Variants in SENP6 observed in about 807,000 individuals in gnomAD.
SENP6 encodes the protein SUMO specific peptidase 6, also known as sentrin-specific protease 6.
A neutral mutation model predicts 134.5 loss-of-function variants in SENP6; 41 were observed. The ratio of observed to expected loss-of-function variants is 0.30; its 90% CI spans 0.24 to 0.40. The LOEUF is 0.40. Among genes scored for constraint, SENP6 ranks in the 10% least tolerant of loss-of-function variants. SENP6 has a pLI of 1.00. For synonymous variants in SENP6, 395 were observed against 429.8 expected (o/e 0.92, Z 1.00); for missense variants, 1,248 against 1,312.5 (o/e 0.95, Z 0.76).
intron 3 of SENP6, among the ~76,000 whole-genome samples, chr6:75,628,483 G>A (rs569698499): frequency 5.9e-5 from 9 of 152,028 alleles, no homozygotes; most frequent in African/African-American, 1.4e-4. Flanking sequence ...TTTTAAAATG[G>A]GTGAGGCTGA....
At position 75,602,269 on chromosome 6, in the gene SENP6, G is replaced by T; in HGVS notation, c.-256G>T. Reference sequence around the variant, plus strand: ...GGAAGCGCCGTCGTCGTCGTCGCCGGTCGCGTTCCCCCGGAGAGGCCTGAG... The same window carrying T: ...GGAAGCGCCGTCGTCGTCGTCGCCGTTCGCGTTCCCCCGGAGAGGCCTGAG... On this transcript the variant is annotated 5_prime_UTR_variant, in exon 1 of 24. Coordinates refer to ENST00000447266, the MANE Select transcript of SENP6 (RefSeq NM_015571.4). The T allele has an allele frequency of 2.6e-6, 1 of 380,660 alleles. No individual in the cohort carries two copies. The highest frequency in any genetic ancestry group is 4.7e-6 in the Non-Finnish European group (1 of 214,496). 23.6% of individuals were successfully genotyped at this position (380,660 alleles called of 1,614,324 possible).
intron 7 of SENP6, among the ~76,000 whole-genome samples, chr6:75,656,124 A>C (rs563980987): frequency 1.1e-3 from 168 of 150,944 alleles, no homozygotes; most frequent in African/African-American, 3.9e-3. Context: ...CAGAGGCAGG[A>C]GAATTGCTTG....
chr6:75,636,414 C>G (rs762988229), intron 5 of SENP6, among the ~76,000 whole-genome samples: 14 of 152,082 alleles, frequency 9.2e-5, no homozygotes, highest in Non-Finnish European at 1.8e-4. Context: ...TGTTCAAAGA[C>G]AAGTCATTGA....
At position 75,688,397 on chromosome 6, in the gene SENP6, G is replaced by A. The variant is rs182129940; in HGVS notation, c.2076-7407G>A. Reference sequence around the variant, plus strand: ...TGCTTCAGCTCACCCTCCATGGGCTGCATCCCCTGTCCAACCAGTCCCAAT... The same window carrying A: ...TGCTTCAGCTCACCCTCCATGGGCTACATCCCCTGTCCAACCAGTCCCAAT... On this transcript the variant is annotated intron_variant, in intron 16 of 23. Transcript: ENST00000447266. Among the ~76,000 whole-genome samples, 535 of 152,248 alleles carry A rather than the reference G, an allele frequency of 3.5e-3. 4 individuals are homozygous for A. The highest frequency in any genetic ancestry group is 0.012 in the African/African-American group (511 of 41,554).
chr6:75,608,877 T>A lies in SENP6; in HGVS notation c.52+6301T>A, dbSNP rs571342688. Among the ~76,000 whole-genome samples the A allele has an allele frequency of 2.6e-5, 4 of 152,340 alleles. No homozygotes were observed. The South Asian group carries it at 8.3e-4, about 32-fold the overall frequency. ...AGCAGATAGAGAAAAGAAAAAGAGC[T>A]TCCTTTACTTGCTTGTCTTCTCTTC... On this transcript the variant is annotated intron_variant, in intron 1 of 23. Transcript: ENST00000447266.
chr6:75,702,602 C>T (rs999646816), intron 18 of SENP6, 43 bp from the exon 19 acceptor site: 14 of 1,476,928 alleles, frequency 9.5e-6, no homozygotes, highest in Non-Finnish European at 1.3e-5. Context: ...ATATAATAAA[C>T]TTTTCTAATA....
At chr6:75,633,883 G>C (rs1769302167) in intron 4 of SENP6, among the ~76,000 whole-genome samples, 157 bp downstream of exon 4, 1 of 152,162 alleles carries the variant, frequency 6.6e-6, no homozygotes, top group Non-Finnish European at 1.5e-5. Context: ...TCTTTGCTTT[G>C]AATCTTAGGA....
chr6:75,671,565 T>C lies in SENP6; in HGVS notation c.1392+845T>C, dbSNP rs563724314. On this transcript the variant is annotated intron_variant, in intron 11 of 23. Coordinates refer to ENST00000447266, the MANE Select transcript of SENP6 (RefSeq NM_015571.4). The stretch of plus-strand genomic sequence containing the variant: ...GCTAAAACCCCATCTCTACTAAAAA[T>C]AGAAAAATTAGCCGGGGGCAGTGGC... 2.4e-4 allele frequency among the ~76,000 whole-genome samples: 37 copies of C among 152,136 alleles called. No homozygotes were observed. The South Asian group carries it at 7.3e-3, about 30-fold the overall frequency.
chr6:75,669,814 G>A (rs1772526364), intron 10 of SENP6, among the ~76,000 whole-genome samples: 1 of 152,174 alleles, frequency 6.6e-6, no homozygotes, highest in South Asian at 2.1e-4. Context: ...ATTTTACTGT[G>A]CATGAAGCAA....
chr6:75,710,920 C>T (rs956919793), intron 20 of SENP6, among the ~76,000 whole-genome samples: 14 of 152,080 alleles, frequency 9.2e-5, no homozygotes, highest in Non-Finnish European at 2.1e-4. Context: ...GATGTGAAAA[C>T]ATTATTCATG....
At chr6:75,688,662 G>A (rs1367338820) in intron 16 of SENP6, among the ~76,000 whole-genome samples, 1 of 152,138 alleles carries the variant, frequency 6.6e-6, no homozygotes, top group African/African-American at 2.4e-5. Flanking sequence ...GCTCATACCT[G>A]TAATCCCAGG....
rs1421787749 is a variant in SENP6, at chr6:75,647,607, CT to C, written c.480-119del. On this transcript the variant is annotated intron_variant, in intron 6 of 23. Coordinates refer to ENST00000447266, the MANE Select transcript of SENP6 (RefSeq NM_015571.4). ...ATAGTTTTGTTATTTTATAGTATCACTTTTTATATGGCAAAGAAGCTATGAT... is the reference window on the plus strand; with the variant it reads ...ATAGTTTTGTTATTTTATAGTATCACTTTTATATGGCAAAGAAGCTATGAT... The C allele has an allele frequency of 5.9e-6, 3 of 506,896 alleles. No homozygotes were observed. The African/African-American group carries it at 5.9e-5, about 10-fold the overall frequency. 31.4% of individuals were successfully genotyped at this position (506,896 alleles called of 1,614,324 possible).
At chr6:75,677,463 G>T in intron 14 of SENP6, 2 of 420,928 alleles carry the variant, frequency 4.8e-6, no homozygotes, top group South Asian at 4.8e-5. Context: ...GGTCTCAGAA[G>T]CATTTTTGGT....
Position 75,702,675 on chromosome 6 carries a change from C to T in SENP6, c.2319C>T (p.Phe773=). The T allele has an allele frequency of 6.3e-7, 1 of 1,598,022 alleles. No homozygotes were observed. Among genetic ancestry groups the T allele is most frequent in the Non-Finnish European group, 8.5e-7 (1 of 1,171,718 alleles). ...AAHWFLAVVC[F]PGLEKPKYEP... ...ACTGGTTTTTGGCTGTTGTTTGTTT[C>T]CCCGGTTTGGAAAAACCAAAGTATG... is the stretch of plus-strand genomic sequence containing the variant. The change falls in exon 19 of 24, where the codon TTC becomes TTT. Residue 773 remains phenylalanine, a synonymous_variant. Coordinates refer to ENST00000447266, the MANE Select transcript of SENP6 (RefSeq NM_015571.4).
intron 3 of SENP6, among the ~76,000 whole-genome samples, chr6:75,630,071 T>TA (rs1240533603): frequency 6.7e-6 from 1 of 149,900 alleles, no homozygotes; most frequent in African/African-American, 2.4e-5. Context: ...GTGATAACTT[T>TA]TTTTTTTTTT....
intron 7 of SENP6, 116 bp from the exon 8 acceptor site, chr6:75,659,146 G>GA: frequency 1.4e-6 from 1 of 729,702 alleles, no homozygotes. Context: ...ATAAATAAGA[G>GA]AAGAGTAATC....
chr6:75,629,243 G>GA (rs1193273927), intron 3 of SENP6, among the ~76,000 whole-genome samples: 1 of 152,046 alleles, frequency 6.6e-6, no homozygotes, highest in Non-Finnish European at 1.5e-5. Flanking sequence ...GAAGTAATTG[G>GA]AAAAACTGAA....
chr6:75,647,664 C>T, intron 6 of SENP6, 67 bp from the exon 7 acceptor site: 1 of 1,042,544 alleles, frequency 9.6e-7, no homozygotes, highest in Non-Finnish European at 1.5e-6. Flanking sequence ...GTAAGTATGC[C>T]ATTAACTTTT....
rs568149697 is a variant in SENP6, at chr6:75,683,252, G to T, written c.2075+4325G>T. ...TATCCTTTGCCCATTTTTTGATGGGGTTTTTTTTTCTTGTAAATTTGTTTG... is the reference window on the plus strand; with the variant it reads ...TATCCTTTGCCCATTTTTTGATGGGTTTTTTTTTTCTTGTAAATTTGTTTG... On this transcript the variant is annotated intron_variant, in intron 16 of 23. Transcript: ENST00000447266. Among the ~76,000 whole-genome samples the T allele has an allele frequency of 3.9e-4, 59 of 151,056 alleles. No individual in the cohort carries two copies. The South Asian group carries it at 9.0e-3, about 23-fold the overall frequency.
Sources: gnomAD v4.1 joint callset for allele counts (sites outside exome capture counted in the v4.1 genomes callset) on GRCh38, gnomAD v4.1.1 for gene constraint, MANE v1.5 for transcripts, NCBI Gene and HGNC (gene_info 2026-07-23, HGNC 2026-07-21) for gene names.